The following GSAP variants were observed in gnomAD, a reference collection of about 807,000 sequenced individuals.
GSAP encodes the protein gamma-secretase activating protein, also known as gamma-secretase-activating protein.
Under a neutral mutation model 131.7 loss-of-function variants are expected in GSAP, and 118 were observed. That is an observed-to-expected ratio of 0.90 (90% CI 0.77 to 1.04). The LOEUF is 1.04. GSAP is among the 50% of genes least tolerant of loss of function. GSAP has a pLI of 0.00. For missense variants in GSAP, 1,019 were observed against 1,013.2 expected, an observed-to-expected ratio of 1.01 and a Z score of -0.08; for synonymous variants, 381 against 363.4, an observed-to-expected ratio of 1.05 and a Z score of -0.55.
At chr7:77,390,254 G>A (rs375983315) in intron 5 of GSAP, among the ~76,000 whole-genome samples, 5 of 151,884 alleles carry the variant, frequency 3.3e-5, no homozygotes, top group African/African-American at 9.7e-5. Context: ...CTCTGATGGT[G>A]GTTTCTTTTG....
At chr7:77,387,533 G>A (rs1798758624) in intron 5 of GSAP, 85 bp from the exon 6 acceptor site, 12 of 757,750 alleles carry the variant, frequency 1.6e-5, no homozygotes, top group Non-Finnish European at 1.9e-5. Flanking sequence ...AACAATTTCC[G>A]GTAAATCCTA....
rs747545641 is a variant in GSAP, at chr7:77,321,351, TGAA to T, written c.1973_1975del (p.Leu658del). 8 of 1,600,802 alleles carry T rather than the reference TGAA, an allele frequency of 5.0e-6. No individual in the cohort carries two copies. The African/African-American group carries it at 1.1e-4, about 21-fold the overall frequency. On this transcript the variant is annotated inframe_deletion, in exon 25 of 31. Transcript: ENST00000257626. ...TGCGTACAAGTGGAGAACCCAGGAA[TGAA>T]GATTATGTTTCCTCCAATTGGTTTC...
At position 77,311,073 on chromosome 7, in the gene GSAP, C is replaced by T. The variant is rs1000557032; in HGVS notation, c.*285G>A. The T allele has an allele frequency of 1.2e-4, 34 of 278,108 alleles. No homozygotes were observed. Among genetic ancestry groups the T allele is most frequent in the African/African-American group, 5.4e-4 (25 of 46,134 alleles). 17.2% of individuals were successfully genotyped at this position (278,108 alleles called of 1,614,324 possible). ...TATTTCAGAGTGCAACAGAAACTAG[C>T]TTGTGGCCTATTAAGCTACTAGGAA... On this transcript the variant is annotated 3_prime_UTR_variant, in exon 31 of 31. Transcript: ENST00000257626.
intron 3 of GSAP, among the ~76,000 whole-genome samples, chr7:77,400,775 CAA>C (rs1801180249): frequency 6.6e-6 from 1 of 151,858 alleles, no homozygotes; most frequent in Non-Finnish European, 1.5e-5. Flanking sequence ...ACTGAGATAA[CAA>C]AGATATTGGA....
intron 3 of GSAP, 118 bp downstream of exon 3, chr7:77,404,440 CA>C: frequency 1.5e-6 from 1 of 686,608 alleles, no homozygotes; most frequent in Non-Finnish European, 2.6e-6. Flanking sequence ...TCTGTTTTTT[CA>C]AATAAAATGT....
chr7:77,395,967 C>T (rs1381512562), intron 5 of GSAP, among the ~76,000 whole-genome samples: 1 of 152,204 alleles, frequency 6.6e-6, no homozygotes, highest in Non-Finnish European at 1.5e-5. Flanking sequence ...CAGGCTGGCT[C>T]CAGCCCACAG....
intron 14 of GSAP, among the ~76,000 whole-genome samples, chr7:77,359,786 A>G (rs1005035094): frequency 6.6e-6 from 1 of 152,228 alleles, no homozygotes; most frequent in African/African-American, 2.4e-5. Flanking sequence ...TTGCCCTCAC[A>G]AAGTGCTGTT....
chr7:77,314,669 G>A (rs1794778089), intron 26 of GSAP, 180 bp from the exon 27 acceptor site: 1 of 581,786 alleles, frequency 1.7e-6, no homozygotes, highest in Non-Finnish European at 3.0e-6. Context: ...TAAATATCAC[G>A]CTGGGTCTAT....
rs535068344 is a variant in GSAP, at chr7:77,344,831, T to G, written c.1545+4520A>C. ...AGCTATCTCCACCACACTGCCAATC[T>G]CACTCTCACCTAGCCATTTCTAATC... On this transcript the variant is annotated intron_variant, in intron 19 of 30. Transcript: ENST00000257626. Among the ~76,000 whole-genome samples the G allele has an allele frequency of 5.9e-5, 9 of 152,300 alleles. No individual in the cohort carries two copies. In the East Asian group the frequency reaches 1.7e-3, roughly 29 times the overall value.
intron 8 of GSAP, chr7:77,379,826 C>A: frequency 1.0e-6 from 1 of 981,154 alleles, no homozygotes; most frequent in Non-Finnish European, 1.2e-6. Flanking sequence ...ACAATGGTAG[C>A]CCAGAGCTCC....
In GSAP at chr7:77,399,286, GT is replaced by G. The variant is rs1378096226; in HGVS notation, c.244-1872del. 2.6e-5 allele frequency among the ~76,000 whole-genome samples: 4 copies of G among 152,286 alleles called. No homozygotes were observed. The South Asian group carries it at 8.3e-4, about 32-fold the overall frequency. On this transcript the variant is annotated intron_variant, in intron 3 of 30. Transcript: ENST00000257626. ...TTGAACAGAATGGGGTGTTACTTCAGTATTGGCTTGATCCAGAGCTGGAAAT... is the reference window on the plus strand; with the variant it reads ...TTGAACAGAATGGGGTGTTACTTCAGATTGGCTTGATCCAGAGCTGGAAAT...
chr7:77,378,042 G>A (rs1797217903), intron 8 of GSAP, among the ~76,000 whole-genome samples: 1 of 152,214 alleles, frequency 6.6e-6, no homozygotes, highest in Non-Finnish European at 1.5e-5. Flanking sequence ...TTCCAATGGT[G>A]CATTGGCATG....
chr7:77,359,210 A>G (rs936958873), intron 14 of GSAP, among the ~76,000 whole-genome samples: 2 of 152,196 alleles, frequency 1.3e-5, no homozygotes, highest in South Asian at 4.2e-4. Flanking sequence ...CAAAAAAAAA[A>G]AGAAACTATT....
chr7:77,335,439 T>C (rs1181015619), intron 19 of GSAP, among the ~76,000 whole-genome samples: 1 of 152,056 alleles, frequency 6.6e-6, no homozygotes, highest in Non-Finnish European at 1.5e-5. Context: ...TTAGAGACAA[T>C]GTTAGAAGCA....
At chr7:77,345,404 C>T (rs1419175379) in intron 19 of GSAP, among the ~76,000 whole-genome samples, 1 of 152,162 alleles carries the variant, frequency 6.6e-6, no homozygotes, top group Admixed American at 6.5e-5. Flanking sequence ...CCCAACACTT[C>T]AATGCTATTT....
chr7:77,381,008 T>C (rs902052445), intron 8 of GSAP, among the ~76,000 whole-genome samples: 9 of 152,214 alleles, frequency 5.9e-5, no homozygotes, highest in African/African-American at 1.9e-4. Context: ...TCCCCACATA[T>C]GTGCATCTAA....
At chr7:77,356,578 T>C (rs1793759080) in intron 14 of GSAP, among the ~76,000 whole-genome samples, 1 of 152,214 alleles carries the variant, frequency 6.6e-6, no homozygotes, top group Non-Finnish European at 1.5e-5. Flanking sequence ...TTTCCTTGCA[T>C]ATCAAGCTGA....
chr7:77,330,498 A>G (rs3750046), intron 19 of GSAP, 131 bp from the exon 20 acceptor site: 430,440 of 1,368,150 alleles, frequency 0.31, 71,174 homozygotes, highest in African/African-American at 0.53. Context: ...TTTGTACAGA[A>G]GATGGCATTC....
chr7:77,390,312 G>C (rs1471402467), intron 5 of GSAP, among the ~76,000 whole-genome samples: 1 of 151,952 alleles, frequency 6.6e-6, no homozygotes, highest in Non-Finnish European at 1.5e-5. Flanking sequence ...GTCAATTTTG[G>C]CTTTTGTTGC....
Sources: gnomAD v4.1 joint callset for allele counts (sites outside exome capture counted in the v4.1 genomes callset) on GRCh38, gnomAD v4.1.1 for gene constraint, MANE v1.5 for transcripts, NCBI Gene and HGNC (gene_info 2026-07-23, HGNC 2026-07-21) for gene names.